The following ITPRID2 variants were observed in gnomAD, a reference collection of about 807,000 sequenced individuals.
ITPRID2 encodes the protein ITPR interacting domain containing 2, also known as protein ITPRID2.
In ITPRID2, 60 loss-of-function variants were observed where a neutral mutation model predicts 124.3. The observed-to-expected ratio is 0.48, with a 90% CI of 0.39 to 0.60. The LOEUF (loss-of-function observed/expected upper bound fraction) is 0.60, where lower values mean the gene tolerates loss of function less well. Among genes scored for constraint, ITPRID2 ranks in the 20% least tolerant of loss-of-function variants. ITPRID2 has a pLI of 0.00. For missense variants in ITPRID2, 1,553 were observed against 1,512.2 expected, an observed-to-expected ratio of 1.03 and a Z score of -0.45; for synonymous variants, 521 against 542.9, an observed-to-expected ratio of 0.96 and a Z score of 0.56.
At chr2:181,903,882 AT>A (rs1388273277) in intron 8 of ITPRID2, among the ~76,000 whole-genome samples, 1 of 152,108 alleles carries the variant, frequency 6.6e-6, no homozygotes, top group African/African-American at 2.4e-5. Context: ...TAAAGTGTAA[AT>A]TTTTGCCTAC....
Position 181,922,128 on chromosome 2 carries a change from T to C in ITPRID2, c.3391T>C (p.Ser1131Pro). The C allele has an allele frequency of 6.2e-7, 1 of 1,614,236 alleles. No individual in the cohort carries two copies. Reference sequence around the variant, plus strand: ...TGCTAACAGAAGAACTGGAGTACCTTCTACTGCCTCAGTGGGCAAATCCAA... The same window carrying C: ...TGCTAACAGAAGAACTGGAGTACCTCCTACTGCCTCAGTGGGCAAATCCAA... Reference protein sequence around the residue: ...SHANRRTGVPSTASVGKSKTP... With the variant: ...SHANRRTGVPPTASVGKSKTP... The change falls in exon 16 of 18, where the codon TCT becomes CCT. Residue 1131 changes from serine (S) to proline (P), a missense_variant. Transcript: ENST00000431877.
chr2:181,892,686 T>C lies in ITPRID2; in HGVS notation c.257+26T>C, dbSNP rs759260028. 1 of 1,613,238 alleles carries C rather than the reference T, an allele frequency of 6.2e-7. No homozygotes were observed. Among genetic ancestry groups the C allele is most frequent in the African/African-American group, 1.3e-5 (1 of 74,778 alleles). On this transcript the variant is annotated intron_variant, in intron 2 of 17. Coordinates refer to ENST00000431877, the MANE Select transcript of ITPRID2 (RefSeq NM_001130445.3). This position sits in a 1 kb window ranked among gnomAD's most constrained non-coding sequence, Gnocchi z 5.2. The stretch of plus-strand genomic sequence containing the variant: ...GTGAGTGCTCCCTGGTCCGCCCGCG[T>C]CCCGGGGGAGATCCGTGCGGACGGG...
chr2:181,919,669 T>C lies in ITPRID2; in HGVS notation c.3144+223T>C, dbSNP rs893558089. ...TGTTGAAAATTTTTAATGATAAATTTTAATAACAGGAAAGAATAAGGGCTT... is the reference window on the plus strand; with the variant it reads ...TGTTGAAAATTTTTAATGATAAATTCTAATAACAGGAAAGAATAAGGGCTT... On this transcript the variant is annotated intron_variant, in intron 14 of 17. Transcript: ENST00000431877. This position sits in a 1 kb window ranked among gnomAD's most constrained non-coding sequence, Gnocchi z 4.2. Among the ~76,000 whole-genome samples, 2 of 152,192 alleles carry C rather than the reference T, an allele frequency of 1.3e-5. No individual in the cohort carries two copies. Among genetic ancestry groups the C allele is most frequent in the Non-Finnish European group, 2.9e-5 (2 of 68,030 alleles).
In ITPRID2 at chr2:181,902,248, A is replaced by G; in HGVS notation, c.1195A>G (p.Thr399Ala). The change falls in exon 8 of 18, where the codon ACT becomes GCT. Residue 399 changes from threonine to alanine, a missense_variant. Coordinates refer to ENST00000431877, the MANE Select transcript of ITPRID2 (RefSeq NM_001130445.3). This position sits in a 1 kb window ranked among gnomAD's most constrained non-coding sequence, Gnocchi z 4.4. ...QGTENEQSKE[T>A]QSHESKLGEE... ...AACTGAAAATGAACAAAGTAAAGAA[A>G]CTCAAAGTCATGAGAGTAAACTGGG... The G allele has an allele frequency of 6.2e-7, 1 of 1,612,996 alleles. No individual in the cohort carries two copies. The highest frequency in any genetic ancestry group is 1.1e-5 in the South Asian group (1 of 90,888).
chr2:181,929,333 G>A (rs1334035645), intron 17 of ITPRID2, among the ~76,000 whole-genome samples: 2 of 151,872 alleles, frequency 1.3e-5, no homozygotes, highest in Non-Finnish European at 2.9e-5. Context: ...TCAGATATAG[G>A]AAATTGGAAA....
chr2:181,906,547 C>A (rs544156774), intron 8 of ITPRID2, among the ~76,000 whole-genome samples: 1 of 152,060 alleles, frequency 6.6e-6, no homozygotes, highest in East Asian at 1.9e-4. Flanking sequence ...TAGAGACCAG[C>A]CTGGACAACA....
In ITPRID2 at chr2:181,919,345, C is replaced by A; in HGVS notation, c.3043C>A (p.Leu1015Ile). 1 of 1,614,144 alleles carries A rather than the reference C, an allele frequency of 6.2e-7. No homozygotes were observed. The highest frequency in any genetic ancestry group is 8.5e-7 in the Non-Finnish European group (1 of 1,180,020). Residue 1015 changes from leucine to isoleucine, a missense_variant, in exon 14 of 18, where the codon CTT becomes ATT. Leu to Ile is a conservative substitution (Grantham distance 5). Transcript: ENST00000431877. The surrounding 1 kb of genome is among the most constrained non-coding windows in gnomAD (Gnocchi z 4.2). ...TTTGAGAAATTCAGTCCGAATGGAA[C>A]TTCAGGACCTGGAACTGCAGCTGGA... ...QGLRNSVRME[L>I]QDLELQLEER... is the part of the protein sequence containing the mutation.
intron 15 of ITPRID2, 88 bp downstream of exon 15, chr2:181,920,750 T>A: frequency 1.0e-6 from 1 of 975,992 alleles, no homozygotes; most frequent in Non-Finnish European, 1.6e-6. Context: ...GAAATATATG[T>A]TTATTTTAAA....
chr2:181,915,167 ACT>A, intron 10 of ITPRID2, 47 bp from the exon 11 acceptor site: 1 of 1,557,952 alleles, frequency 6.4e-7, no homozygotes, highest in Non-Finnish European at 8.7e-7. Flanking sequence ...TTTGTTAGTG[ACT>A]CTTCTTACAT....
chr2:181,901,305 A>G lies in ITPRID2; in HGVS notation c.712+401A>G, dbSNP rs1169615027. Among the ~76,000 whole-genome samples, 9 of 152,192 alleles carry G rather than the reference A, an allele frequency of 5.9e-5. No homozygotes were observed. The East Asian group carries it at 1.7e-3, about 29-fold the overall frequency. On this transcript the variant is annotated intron_variant, in intron 7 of 17. Transcript: ENST00000431877. ...TTGCTTGTTTTCTTTCTGTTAGCCAAAGATTCCAAAAATAGGATTCCAATC... is the reference window on the plus strand; with the variant it reads ...TTGCTTGTTTTCTTTCTGTTAGCCAGAGATTCCAAAAATAGGATTCCAATC...
rs1693027291 is a variant in ITPRID2 at position 181,905,340 on chromosome 2, C to T, written c.1413+2874C>T. On this transcript the variant is annotated intron_variant, in intron 8 of 17. Coordinates refer to ENST00000431877, the MANE Select transcript of ITPRID2 (RefSeq NM_001130445.3). This position sits in a 1 kb window ranked among gnomAD's most constrained non-coding sequence, Gnocchi z 4.1. ...CTGGGATTACAGGTGTGAGCCACCACACCCAGCCTATAACTATTTATAAAA... is the reference window on the plus strand; with the variant it reads ...CTGGGATTACAGGTGTGAGCCACCATACCCAGCCTATAACTATTTATAAAA... Among the ~76,000 whole-genome samples, 1 of 152,148 alleles carries T rather than the reference C, an allele frequency of 6.6e-6. No homozygotes were observed. Among genetic ancestry groups the T allele is most frequent in the African/African-American group, 2.4e-5 (1 of 41,440 alleles).
At position 181,915,837 on chromosome 2, in the gene ITPRID2, C is replaced by T; in HGVS notation, c.2197C>T (p.Pro733Ser). 6.2e-7 allele frequency: 1 copy of T among 1,614,180 alleles called. No individual in the cohort carries two copies. The highest frequency in any genetic ancestry group is 1.1e-5 in the South Asian group (1 of 91,074). The change falls in exon 11 of 18, where the codon CCT (proline) becomes TCT (serine). Residue 733 changes from proline to serine, a missense_variant. Coordinates refer to ENST00000431877, the MANE Select transcript of ITPRID2 (RefSeq NM_001130445.3). ...GTACTTATTTGCAAAAGCTGGCTAT[C>T]CTCTAAGAAGGTCTCAGTCTTTACC... is the stretch of plus-strand genomic sequence containing the variant. ...QRYLFAKAGY[P>S]LRRSQSLPTT...
chr2:181,916,709 T>C (rs151251683), intron 11 of ITPRID2: 1,160 of 711,676 alleles, frequency 1.6e-3, no homozygotes, highest in Admixed American at 3.0e-3. Context: ...TTTTAGTCTA[T>C]CATCCACTGT....
At position 181,892,308 on chromosome 2, in the gene ITPRID2, G is replaced by A; in HGVS notation, c.211+31G>A. 1 of 1,523,810 alleles carries A rather than the reference G, an allele frequency of 6.6e-7. No individual in the cohort carries two copies. Among genetic ancestry groups the A allele is most frequent in the Non-Finnish European group, 8.8e-7 (1 of 1,135,446 alleles). The allele number at this position is 1,523,810 out of a possible 1,614,324, so 94.4% of individuals were successfully genotyped here. A position where few individuals can be genotyped will look rare whatever the true frequency, so the allele number is the denominator to read the frequency against. On this transcript the variant is annotated intron_variant, in intron 1 of 17. Transcript: ENST00000431877. This position sits in a 1 kb window ranked among gnomAD's most constrained non-coding sequence, Gnocchi z 5.2. ...TGCTCCCGGCCGGGCTCCGGGGGGA[G>A]GCTGGTGGGCTGGGGAGAGTCTCGT...
rs537425524 is a variant in ITPRID2, at chr2:181,918,463, A to G, written c.2788-135A>G. ...ACTGATTTCTTTTTTCCTGCTTACAATATGAAGGTTTTTTGGATCCTTTTG... is the reference window on the plus strand; with the variant it reads ...ACTGATTTCTTTTTTCCTGCTTACAGTATGAAGGTTTTTTGGATCCTTTTG... On this transcript the variant is annotated intron_variant, in intron 11 of 17. Coordinates refer to ENST00000431877, the MANE Select transcript of ITPRID2 (RefSeq NM_001130445.3). 25 of 1,466,714 alleles carry G rather than the reference A, an allele frequency of 1.7e-5. No individual in the cohort carries two copies. The African/African-American group carries it at 2.9e-4, about 17-fold the overall frequency. 90.9% of individuals were successfully genotyped at this position (1,466,714 alleles called of 1,614,324 possible).
Position 181,892,768 on chromosome 2 carries a change from C to G in ITPRID2, c.257+108C>G, listed in dbSNP as rs985436904. The G allele has an allele frequency of 5.2e-6, 7 of 1,352,080 alleles. No individual in the cohort carries two copies. The highest frequency in any genetic ancestry group is 7.3e-6 in the Non-Finnish European group (7 of 955,932). The allele number at this position is 1,352,080 out of a possible 1,614,324, so 83.8% of individuals were successfully genotyped here. The stretch of plus-strand genomic sequence containing the variant: ...CTGTGGGTCCCGCGACCGTTGTAAG[C>G]TACAAACCGGAAAGTGAGCCGGCGG... On this transcript the variant is annotated intron_variant, in intron 2 of 17. Transcript: ENST00000431877. This position sits in a 1 kb window ranked among gnomAD's most constrained non-coding sequence, Gnocchi z 5.2.
At chr2:181,893,239 A>T (rs923253787) in intron 2 of ITPRID2, 1 of 153,258 alleles carries the variant, frequency 6.5e-6, no homozygotes, top group Non-Finnish European at 1.5e-5. Flanking sequence ...AAATCTGTTT[A>T]ATTACATGCT....
chr2:181,911,609 A>G (rs1693611660), intron 9 of ITPRID2, among the ~76,000 whole-genome samples: 1 of 152,160 alleles, frequency 6.6e-6, no homozygotes, highest in Non-Finnish European at 1.5e-5. Flanking sequence ...CCTAGTTTTT[A>G]ATTAGAAATC....
rs528417025 is a variant in ITPRID2 at position 181,919,170 on chromosome 2, T to C, written c.2994-126T>C. On this transcript the variant is annotated intron_variant, in intron 13 of 17. Transcript: ENST00000431877. The surrounding 1 kb of genome is among the most constrained non-coding windows in gnomAD (Gnocchi z 4.2). The stretch of plus-strand genomic sequence containing the variant: ...TGGATACACCTATTGTAGTTGATAT[T>C]GTACTAATTTCTAGAACCTGAGATT... 6.5e-6 allele frequency: 7 copies of C among 1,074,706 alleles called. No individual in the cohort carries two copies. The East Asian group carries it at 1.7e-4, about 26-fold the overall frequency. 66.6% of individuals were successfully genotyped at this position (1,074,706 alleles called of 1,614,324 possible).
Sources: allele counts gnomAD v4.1 joint callset (sites outside exome capture counted in the v4.1 genomes callset), GRCh38; gene constraint gnomAD v4.1.1; non-coding constraint Gnocchi (gnomAD v3.1); transcripts MANE v1.5; gene names NCBI Gene and HGNC (gene_info 2026-07-23, HGNC 2026-07-21).